The following EML2 variants were observed in gnomAD, a reference collection of about 807,000 sequenced individuals.
EML2 encodes the protein echinoderm microtubule-associated protein-like 2.
In EML2, 59 loss-of-function variants were observed where a neutral mutation model predicts 84.7. The ratio of observed to expected loss-of-function variants is 0.70; its 90% CI spans 0.56 to 0.86. EML2 has a LOEUF of 0.86. Among genes scored for constraint, EML2 ranks in the 40% least tolerant of loss-of-function variants. The probability of loss-of-function intolerance (pLI) is 0.00; values close to 1 mark genes in which losing one functional copy is unlikely to be tolerated. For missense variants in EML2, 818 were observed against 855.6 expected, an observed-to-expected ratio of 0.96 and a Z score of 0.55; for synonymous variants, 352 against 348.9, an observed-to-expected ratio of 1.01 and a Z score of -0.10.
At chr19:45,642,595 G>A, upstream of EML2, 1 of 1,233,400 alleles carries the variant, frequency 8.1e-7, no homozygotes, top group Non-Finnish European at 1.0e-6. Context: ...GTGTGACCTT[G>A]GGGAAGTCCC....
At chr19:45,643,533 AG>A, upstream of EML2, 1 of 1,529,378 alleles carries the variant, frequency 6.5e-7, no homozygotes, top group Non-Finnish European at 8.7e-7. Flanking sequence ...GGAGGGGCGG[AG>A]ACCGAAGTGG....
At chr19:45,618,331 C>T (rs1971315894) in intron 12 of EML2, among the ~76,000 whole-genome samples, 1 of 152,002 alleles carries the variant, frequency 6.6e-6, no homozygotes, top group Non-Finnish European at 1.5e-5. Context: ...CTGCCTCAGC[C>T]TCCCAAGTGC....
chr19:45,621,606 G>A lies in EML2; in HGVS notation c.873C>T (p.Gly291=), dbSNP rs201159768. 84 of 1,609,498 alleles carry A rather than the reference G, an allele frequency of 5.2e-5. No individual in the cohort carries two copies. The highest frequency in any genetic ancestry group is 3.3e-4 in the Middle Eastern group (2 of 6,060). Residue 291 remains glycine, a synonymous_variant, in exon 10 of 19, where the codon GGC becomes GGT. Transcript: ENST00000245925. ...GGNRITQAVL[G]AHDGGVFGLC... ...GCCCAAACACGCCGCCGTCGTGGGC[G>A]CCCAGCACCGCCTGTGTGATACGGT...
chr19:45,636,768 G>A (rs1445376964), intron 3 of EML2, among the ~76,000 whole-genome samples: 2 of 152,214 alleles, frequency 1.3e-5, no homozygotes, highest in Non-Finnish European at 2.9e-5. Flanking sequence ...CCAACATGGC[G>A]AAACCCTGTC....
intron 9 of EML2, chr19:45,623,496 T>A (rs1256909828): frequency 1.3e-5 from 2 of 151,922 alleles, no homozygotes; most frequent in African/African-American, 4.8e-5. Flanking sequence ...ACCACTGCAC[T>A]CCAGCCTGGG....
chr19:45,621,352 G>T lies in EML2; in HGVS notation c.997-20C>A. 6.3e-7 allele frequency: 1 copy of T among 1,591,132 alleles called. No individual in the cohort carries two copies. Among genetic ancestry groups the T allele is most frequent in the South Asian group, 1.1e-5 (1 of 88,174 alleles). Reference sequence around the variant, plus strand: ...AGGGACCTGGGTGGACAGATAAGAGGGAAGATGAGTAGGATGCACACGGGT... The same window carrying T: ...AGGGACCTGGGTGGACAGATAAGAGTGAAGATGAGTAGGATGCACACGGGT... On this transcript the variant is annotated intron_variant, in intron 10 of 18. Transcript: ENST00000245925.
intron 8 of EML2, among the ~76,000 whole-genome samples, chr19:45,626,137 A>G (rs1365718554): frequency 6.6e-6 from 1 of 152,040 alleles, no homozygotes; most frequent in East Asian, 1.9e-4. Flanking sequence ...TCAGCCTCCC[A>G]GGTAACTGGG....
chr19:45,617,574 G>A, intron 13 of EML2, 56 bp downstream of exon 13: 1 of 1,487,340 alleles, frequency 6.7e-7, no homozygotes, highest in Non-Finnish European at 9.3e-7. Flanking sequence ...GAGGGAAGAA[G>A]GGCCAGTTCC....
intron 7 of EML2, chr19:45,628,774 G>C (rs531442661): frequency 1.3e-5 from 2 of 152,188 alleles, no homozygotes; most frequent in Non-Finnish European, 2.9e-5. Context: ...AGTGAGCCAA[G>C]ATTATGCCAT....
At chr19:45,614,813 G>A in intron 16 of EML2, 113 bp from the exon 17 acceptor site, 1 of 839,462 alleles carries the variant, frequency 1.2e-6, no homozygotes. Flanking sequence ...TAAGGTCCCA[G>A]GGCTCATTCT....
At chr19:45,642,343 A>G (rs1349772207), upstream of EML2, 2 of 1,529,862 alleles carry the variant, frequency 1.3e-6, no homozygotes, top group Admixed American at 2.0e-5. Context: ...CGTGCCCGAC[A>G]AATTGTCATC....
chr19:45,622,428 GTTTTGTTTTA>G (rs1368813951), intron 9 of EML2, among the ~76,000 whole-genome samples: 20 of 151,888 alleles, frequency 1.3e-4, no homozygotes, highest in African/African-American at 3.9e-4. Context: ...GTTTTGTTTT[GTTTTGTTTTA>G]TTTTGTTTTT....
At position 45,639,094 on chromosome 19, in the gene EML2, C is replaced by T. The variant is rs776719724; in HGVS notation, c.21-221G>A. 3 of 720,932 alleles carry T rather than the reference C, an allele frequency of 4.2e-6. No individual in the cohort carries two copies. In the Admixed American group the frequency reaches 7.0e-5, roughly 17 times the overall value. The allele number at this position is 720,932 out of a possible 1,614,324, so 44.7% of individuals were successfully genotyped here. On this transcript the variant is annotated intron_variant, in intron 1 of 18. Transcript: ENST00000245925. ...GAGGCAGTGATCGCCAAAGATCACA[C>T]AGCACGAAGTGGCAGGGACGCGATC...
chr19:45,618,925 T>G, intron 12 of EML2, 135 bp downstream of exon 12: 2 of 1,021,054 alleles, frequency 2.0e-6, no homozygotes, highest in Non-Finnish European at 2.6e-6. Flanking sequence ...CCAGCCTGGG[T>G]GACAGAGCGA....
At chr19:45,629,853 T>G (rs1343158404) in intron 7 of EML2, 98 bp downstream of exon 7, 1 of 972,122 alleles carries the variant, frequency 1.0e-6, no homozygotes, top group Admixed American at 1.8e-5. Flanking sequence ...AAGCCAGGGC[T>G]TAAACACGGG....
At chr19:45,630,078 G>T (rs1332801674) in intron 6 of EML2, 32 bp from the exon 7 acceptor site, 1 of 1,545,446 alleles carries the variant, frequency 6.5e-7, no homozygotes, top group Non-Finnish European at 8.9e-7. Flanking sequence ...GGGGACAGAG[G>T]CAAGGGGAGT....
intron 3 of EML2, among the ~76,000 whole-genome samples, chr19:45,637,130 G>C (rs868306550): frequency 3.2e-4 from 48 of 152,184 alleles, no homozygotes; most frequent in African/African-American, 1.1e-3. Context: ...CAGCTGCCTC[G>C]AGAAGGCTCT....
chr19:45,625,578 A>G (rs1225543899), intron 8 of EML2, among the ~76,000 whole-genome samples: 1 of 151,928 alleles, frequency 6.6e-6, no homozygotes, highest in Admixed American at 6.6e-5. Flanking sequence ...TCGGCGCCTC[A>G]TTCATCCTGT....
chr19:45,641,859 C>T, upstream of EML2: 1 of 1,481,558 alleles, frequency 6.7e-7, no homozygotes, highest in Non-Finnish European at 9.0e-7. Flanking sequence ...GGCAAACAAA[C>T]CACCTCTGTC....
Sources: gnomAD v4.1 joint callset for allele counts (sites outside exome capture counted in the v4.1 genomes callset) on GRCh38, gnomAD v4.1.1 for gene constraint, MANE v1.5 for transcripts, NCBI Gene and HGNC (gene_info 2026-07-23, HGNC 2026-07-21) for gene names.